ITSN2: variants seen among roughly 807,000 people sequenced by gnomAD.
The protein encoded by ITSN2 is intersectin 2.
A neutral mutation model predicts 243.7 loss-of-function variants in ITSN2; 156 were observed. That is an observed-to-expected ratio of 0.64 (90% CI 0.56 to 0.73). ITSN2 has a LOEUF of 0.73. Ranked by LOEUF, ITSN2 falls within the 30% of genes least tolerant of loss-of-function variation. ITSN2 has a pLI of 0.00. For synonymous variants in ITSN2, 703 were observed against 699.9 expected (o/e 1.00, Z -0.07); for missense variants, 1,801 against 1,996.1 (o/e 0.90, Z 1.86).
At chr2:24,279,355 A>G (rs1678452877) in intron 17 of ITSN2, among the ~76,000 whole-genome samples, 1 of 152,246 alleles carries the variant, frequency 6.6e-6, no homozygotes, top group South Asian at 2.1e-4. Flanking sequence ...CCCAATCATT[A>G]TCTCAAGTCA....
rs535195398 is a variant in ITSN2 at position 24,249,953 on chromosome 2, A to C, written c.3121-1071T>G. Among the ~76,000 whole-genome samples the C allele has an allele frequency of 3.3e-5, 5 of 152,218 alleles. No homozygotes were observed. The highest frequency in any genetic ancestry group is 1.2e-4 in the African/African-American group (5 of 41,456). On this transcript the variant is annotated intron_variant, in intron 25 of 39. Transcript: ENST00000355123. This position sits in a 1 kb window ranked among gnomAD's most constrained non-coding sequence, Gnocchi z 4.4. ...TGGTGGGTAAAATCATTGGTGCTTTAGTGTGAATCATGGCAGTGGCACCAA... is the reference window on the plus strand; with the variant it reads ...TGGTGGGTAAAATCATTGGTGCTTTCGTGTGAATCATGGCAGTGGCACCAA...
At chr2:24,335,419 G>T (rs1686254455) in intron 1 of ITSN2, among the ~76,000 whole-genome samples, 1 of 152,142 alleles carries the variant, frequency 6.6e-6, no homozygotes, top group South Asian at 2.1e-4. Context: ...TGCAACCTCT[G>T]CCACCTGGGC....
chr2:24,301,660 G>A (rs982455934), intron 10 of ITSN2, among the ~76,000 whole-genome samples: 2 of 151,610 alleles, frequency 1.3e-5, no homozygotes, highest in African/African-American at 4.8e-5. Flanking sequence ...AGAGTACCTA[G>A]GACTACAGGC....
rs750888829 is a variant in ITSN2, at chr2:24,257,935, G to A, written c.2841C>T (p.Pro947=). ...GEVHGGRGWF[P]KSYVKIIPGS... is the part of the protein sequence containing the mutation. ...CAGGAATGATCTTGACATAAGATTT[G>A]GGAAACCATCCTCTTCCTCCATGCA... The change falls in exon 23 of 40, where the codon CCC becomes CCT. Residue 947 remains proline (P), a synonymous_variant. Transcript: ENST00000355123. 3 of 1,613,896 alleles carry A rather than the reference G, an allele frequency of 1.9e-6. No individual in the cohort carries two copies. The highest frequency in any genetic ancestry group is 2.5e-6 in the Non-Finnish European group (3 of 1,179,954).
At chr2:24,340,718 T>C (rs906511297) in intron 1 of ITSN2, among the ~76,000 whole-genome samples, 1 of 151,962 alleles carries the variant, frequency 6.6e-6, no homozygotes, top group Non-Finnish European at 1.5e-5. Flanking sequence ...AGTTGTGTCA[T>C]TATAGATCCT....
At position 24,211,710 on chromosome 2, in the gene ITSN2, T is replaced by C. The variant is rs573943628; in HGVS notation, c.4090-763A>G. ...AAATCTGACCTAAACAGAAGAGATA[T>C]ATTTACTTACTCTTACAGTGATTGT... On this transcript the variant is annotated intron_variant, in intron 33 of 39. Transcript: ENST00000355123. This position sits in a 1 kb window ranked among gnomAD's most constrained non-coding sequence, Gnocchi z 4.1. 2.0e-5 allele frequency among the ~76,000 whole-genome samples: 3 copies of C among 152,312 alleles called. No individual in the cohort carries two copies. In the South Asian group the frequency reaches 6.2e-4, roughly 32 times the overall value.
At chr2:24,258,358 G>T (rs1228562426) in intron 22 of ITSN2, among the ~76,000 whole-genome samples, 1 of 152,136 alleles carries the variant, frequency 6.6e-6, no homozygotes, top group African/African-American at 2.4e-5. Context: ...GTGTACTCAA[G>T]AAATGTATTC....
At chr2:24,270,866 A>T in intron 19 of ITSN2, 98 bp from the exon 20 acceptor site, 1 of 633,416 alleles carries the variant, frequency 1.6e-6, no homozygotes, top group Non-Finnish European at 2.8e-6. Flanking sequence ...AAAATCAAGC[A>T]CCAAATACTA....
chr2:24,308,847 A>G, intron 7 of ITSN2, 91 bp from the exon 8 acceptor site: 1 of 850,468 alleles, frequency 1.2e-6, no homozygotes, highest in Non-Finnish European at 1.8e-6. Flanking sequence ...AATCTTATAT[A>G]CCAGGGGTCC....
intron 8 of ITSN2, among the ~76,000 whole-genome samples, chr2:24,305,814 A>G (rs1682460764): frequency 6.6e-6 from 1 of 151,962 alleles, no homozygotes; most frequent in Admixed American, 6.6e-5. Context: ...ATAATACACA[A>G]CCTTCGTACA....
At position 24,246,045 on chromosome 2, in the gene ITSN2, A is replaced by C; in HGVS notation, c.3577+84T>G. On this transcript the variant is annotated intron_variant, in intron 29 of 39. Transcript: ENST00000355123. ...ATTTGCTGTGAGTGCTGAGTTTAAG[A>C]TCTAATCCAGAAAAGGAATAAATGC... is the stretch of plus-strand genomic sequence containing the variant. The C allele has an allele frequency of 3.3e-6, 3 of 900,674 alleles. 1 individual carries two copies. In the South Asian group the frequency reaches 5.8e-5, roughly 18 times the overall value. The allele number at this position is 900,674 out of a possible 1,614,324, so 55.8% of individuals were successfully genotyped here. A position where few individuals can be genotyped will look rare whatever the true frequency, so the allele number is the denominator to read the frequency against.
rs1205752771 is a variant in ITSN2, at chr2:24,277,022, G to A, written c.1945-1173C>T. Among the ~76,000 whole-genome samples, 5 of 152,246 alleles carry A rather than the reference G, an allele frequency of 3.3e-5. No homozygotes were observed. The South Asian group carries it at 6.2e-4, about 19-fold the overall frequency. On this transcript the variant is annotated intron_variant, in intron 17 of 39. Coordinates refer to ENST00000355123, the MANE Select transcript of ITSN2 (RefSeq NM_006277.3). ...AGCTGAATGTTCAATATCATGGCTC[G>A]GAGACCTAGGAACTGCCCCTGTCCA...
intron 1 of ITSN2, among the ~76,000 whole-genome samples, chr2:24,354,509 G>A (rs1449772167): frequency 2.0e-5 from 3 of 152,176 alleles, no homozygotes. Context: ...GGTAACATTA[G>A]GCACTTACAC....
At chr2:24,359,753 G>A (rs1352652510) in intron 1 of ITSN2, among the ~76,000 whole-genome samples, 1 of 152,084 alleles carries the variant, frequency 6.6e-6, no homozygotes, top group Non-Finnish European at 1.5e-5. Flanking sequence ...TTCCAACTCC[G>A]GAGGAACGCG....
intron 12 of ITSN2, among the ~76,000 whole-genome samples, chr2:24,299,219 G>C (rs139930525): frequency 6.6e-6 from 1 of 152,090 alleles, no homozygotes; most frequent in Non-Finnish European, 1.5e-5. Flanking sequence ...TTTTTGTAGA[G>C]AGAGGGTTTC....
intron 14 of ITSN2, among the ~76,000 whole-genome samples, chr2:24,294,133 G>A (rs1186918686): frequency 6.6e-6 from 1 of 152,092 alleles, no homozygotes; most frequent in Admixed American, 6.6e-5. Context: ...GTATATCAAA[G>A]AGGGACTAAA....
chr2:24,310,172 T>G lies in ITSN2; in HGVS notation c.653+112A>C, dbSNP rs748697295. The G allele has an allele frequency of 3.8e-4, 254 of 675,176 alleles. 2 individuals are homozygous for G. The highest frequency in any genetic ancestry group is 4.0e-4 in the Non-Finnish European group (155 of 385,678). 41.8% of individuals were successfully genotyped at this position (675,176 alleles called of 1,614,324 possible). A position where few individuals can be genotyped will look rare whatever the true frequency, so the allele number is the denominator to read the frequency against. On this transcript the variant is annotated intron_variant, in intron 7 of 39. Coordinates refer to ENST00000355123, the MANE Select transcript of ITSN2 (RefSeq NM_006277.3). ...GTAAATTTACCTTAAGTATTTGTAC[T>G]TGGCCATTATAAAGTAAAACTTAGG...
intron 29 of ITSN2, among the ~76,000 whole-genome samples, chr2:24,224,003 C>A (rs756094647): frequency 6.6e-6 from 1 of 151,808 alleles, no homozygotes; most frequent in South Asian, 2.1e-4. Context: ...CAGAGGGTAA[C>A]TGAGTGTTAA....
chr2:24,329,446 T>C lies in ITSN2; in HGVS notation c.-33-1331A>G, dbSNP rs867268170. 6.6e-5 allele frequency among the ~76,000 whole-genome samples: 10 copies of C among 152,210 alleles called. No individual in the cohort carries two copies. The Middle Eastern group carries it at 0.01, about 155-fold the overall frequency. The stretch of plus-strand genomic sequence containing the variant: ...GGCTAATTTTTGTTTGTTTGTTTGT[T>C]TGTTTTAGTAGAGACGAGGTTTTAC... On this transcript the variant is annotated intron_variant, in intron 1 of 39. Coordinates refer to ENST00000355123, the MANE Select transcript of ITSN2 (RefSeq NM_006277.3).
Sources: allele counts gnomAD v4.1 joint callset (sites outside exome capture counted in the v4.1 genomes callset), GRCh38; gene constraint gnomAD v4.1.1; non-coding constraint Gnocchi (gnomAD v3.1); transcripts MANE v1.5; gene names NCBI Gene and HGNC (gene_info 2026-07-23, HGNC 2026-07-21).